Variants in LRRC37B observed in about 807,000 individuals in gnomAD.
LRRC37B encodes leucine-rich repeat-containing protein 37B.
A neutral mutation model predicts 98.3 loss-of-function variants in LRRC37B; 28 were observed. That is an observed-to-expected ratio of 0.28 (90% confidence interval 0.21 to 0.39). The LOEUF (loss-of-function observed/expected upper bound fraction) is 0.39, where lower values mean the gene tolerates loss of function less well. Ranked by LOEUF, LRRC37B falls within the 10% of genes least tolerant of loss-of-function variation. The pLI, the probability that LRRC37B is intolerant of heterozygous loss-of-function variation, is 1.00. For missense variants in LRRC37B, 938 were observed against 1,182.7 expected, an observed-to-expected ratio of 0.79 and a Z score of 3.03; for synonymous variants, 364 against 442.7, an observed-to-expected ratio of 0.82 and a Z score of 2.23.
chr17:32,008,524 G>A (rs138999523), intron 1 of LRRC37B, among the ~76,000 whole-genome samples: 2,712 of 152,170 alleles, frequency 0.018, 40 homozygotes, highest in South Asian at 0.058. Flanking sequence ...CTCTTGTTTT[G>A]CAAACCTCTT....
At chr17:32,038,885 A>G (rs1911325717) in intron 7 of LRRC37B, among the ~76,000 whole-genome samples, 2 of 152,202 alleles carry the variant, frequency 1.3e-5, no homozygotes, top group African/African-American at 4.8e-5. Flanking sequence ...AAGAAAATAA[A>G]TAAATAAAGT....
chr17:32,050,526 A>G (rs565998584), intron 11 of LRRC37B: 1 of 199,906 alleles, frequency 5.0e-6, no homozygotes, highest in African/African-American at 2.3e-5. Flanking sequence ...AAGACAGCCA[A>G]AAGAGAGAAG....
At chr17:32,053,241 T>A (rs781339665) in intron 11 of LRRC37B, 25 bp from the exon 15 acceptor site, 1 of 1,571,124 alleles carries the variant, frequency 6.4e-7, no homozygotes, top group South Asian at 1.1e-5. Context: ...ATAGATAACC[T>A]TAATTGTGTT....
intron 1 of LRRC37B, among the ~76,000 whole-genome samples, chr17:32,012,745 G>A (rs143376373): frequency 3.0e-4 from 45 of 151,758 alleles, no homozygotes; most frequent in African/African-American, 9.2e-4. Context: ...GGCCAGGTGC[G>A]GTGCCTCACG....
rs746217113 is a variant in LRRC37B at position 32,049,990 on chromosome 17, T to C, written c.2758-13T>C. The C allele has an allele frequency of 1.8e-5, 25 of 1,418,394 alleles. No homozygotes were observed. The highest frequency in any genetic ancestry group is 2.9e-5 in the African/African-American group (2 of 68,772). The allele number at this position is 1,418,394 out of a possible 1,614,324, so 87.9% of individuals were successfully genotyped here. A position where few individuals can be genotyped will look rare whatever the true frequency, so the allele number is the denominator to read the frequency against. Reference sequence around the variant, plus strand: ...TTGTTCTTTCTTTTTTCTTTTTTTTTTCTTTTTTTTAGCTCATGAAAGAAG... The same window carrying C: ...TTGTTCTTTCTTTTTTCTTTTTTTTCTCTTTTTTTTAGCTCATGAAAGAAG... On this transcript the variant is annotated splice_polypyrimidine_tract_variant and intron_variant, in intron 10 of 11. Transcript: ENST00000327564.
chr17:32,036,079 C>T (rs970579860), intron 7 of LRRC37B: 7 of 158,736 alleles, frequency 4.4e-5, no homozygotes, highest in East Asian at 1.9e-4. Context: ...CAGCTCACTA[C>T]GACCTCCGCC....
intron 1 of LRRC37B, among the ~76,000 whole-genome samples, chr17:32,015,306 C>T (rs1392190551): frequency 6.6e-6 from 1 of 152,134 alleles, no homozygotes; most frequent in Non-Finnish European, 1.5e-5. Context: ...TAACATTTGA[C>T]AAGTAAGTTT....
At chr17:32,015,674 A>C (rs560590899) in intron 1 of LRRC37B, among the ~76,000 whole-genome samples, 44 of 152,320 alleles carry the variant, frequency 2.9e-4, no homozygotes, top group Admixed American at 9.2e-4. Context: ...TCTGGGATTT[A>C]ATCTTGGCAT....
intron 1 of LRRC37B, among the ~76,000 whole-genome samples, chr17:32,015,710 C>T (rs889284521): frequency 5.3e-5 from 8 of 152,276 alleles, no homozygotes; most frequent in Middle Eastern, 3.4e-3. Context: ...CCTCTGCCCT[C>T]GGCGGGTACT....
upstream of LRRC37B, among the ~76,000 whole-genome samples, chr17:32,007,630 G>A (rs1910438653): frequency 2.0e-5 from 3 of 151,382 alleles, no homozygotes; most frequent in African/African-American, 4.8e-5. The surrounding 1 kb of genome is among the most constrained non-coding windows in gnomAD (Gnocchi z 4.1). Flanking sequence ...GGGGCAGGCC[G>A]ACCAAGCAGC....
chr17:32,007,848 G>A (rs1187619252), upstream of LRRC37B: 7 of 1,163,188 alleles, frequency 6.0e-6, no homozygotes, highest in South Asian at 2.1e-4. This position sits in a 1 kb window ranked among gnomAD's most constrained non-coding sequence, Gnocchi z 4.1. Context: ...GGCCCGCCCC[G>A]CGCCGGCACC....
At chr17:32,022,353 A>G in exon 1 of LRRC37B, 1 of 1,613,904 alleles carries the variant, frequency 6.2e-7, no homozygotes. Context: ...ACCTTCAGAC[A>G]AGGGTCAGGC....
At chr17:32,021,695 C>G in exon 1 of LRRC37B, 1 of 1,614,224 alleles carries the variant, frequency 6.2e-7, no homozygotes, top group Non-Finnish European at 8.5e-7. Flanking sequence ...CAAGACCAAC[C>G]AAATTTGTTG....
chr17:32,017,002 C>A (rs1243040442), upstream of LRRC37B: 2 of 152,228 alleles, frequency 1.3e-5, no homozygotes, highest in Non-Finnish European at 2.9e-5. Context: ...TCATCTGGAT[C>A]TTAGGGGAAA....
chr17:32,013,708 A>ATGTGTGTGTGTGTGTGTGTG (rs879747437), intron 1 of LRRC37B, among the ~76,000 whole-genome samples: 15 of 130,282 alleles, frequency 1.2e-4, no homozygotes, highest in African/African-American at 4.4e-4. Flanking sequence ...TTATAATTGT[A>ATGTGTGTGTGTGTGTGTGTG]TATGTGTGTG....
intron 2 of LRRC37B, among the ~76,000 whole-genome samples, chr17:32,025,677 G>T (rs1339870386): frequency 1.3e-5 from 2 of 152,150 alleles, no homozygotes; most frequent in African/African-American, 4.8e-5. Context: ...CCATAGTATG[G>T]ATGCATCATA....
At chr17:32,045,057 A>G (rs1287496210) in intron 7 of LRRC37B, among the ~76,000 whole-genome samples, 1 of 151,956 alleles carries the variant, frequency 6.6e-6, no homozygotes, top group East Asian at 1.9e-4. Context: ...GCAAAGTGAC[A>G]CTTTTTAAAA....
intron 11 of LRRC37B, chr17:32,050,597 T>C (rs1911725698): frequency 6.5e-6 from 1 of 152,916 alleles, no homozygotes; most frequent in African/African-American, 2.4e-5. Context: ...TGTAAGGTGT[T>C]GTCTAAATAG....
chr17:32,007,874 C>G, upstream of LRRC37B: 2 of 1,059,828 alleles, frequency 1.9e-6, no homozygotes, highest in South Asian at 9.1e-5. The surrounding 1 kb of genome is among the most constrained non-coding windows in gnomAD (Gnocchi z 4.1). Context: ...ACGGGCCCGG[C>G]GGGGGCGCGG....
Sources: gnomAD v4.1 joint callset for allele counts (sites outside exome capture counted in the v4.1 genomes callset) on GRCh38, gnomAD v4.1.1 for gene constraint, Gnocchi (gnomAD v3.1) non-coding constraint, MANE v1.5 for transcripts, NCBI Gene and HGNC (gene_info 2026-07-23, HGNC 2026-07-21) for gene names.